Variants in HERC2 observed in about 807,000 individuals in gnomAD.
The protein encoded by HERC2 is HECT and RLD domain containing E3 ubiquitin protein ligase 2.
Under a neutral mutation model 537.7 loss-of-function variants are expected in HERC2, and 102 were observed. That is an observed-to-expected ratio of 0.19 (90% CI 0.16 to 0.22). The LOEUF (loss-of-function observed/expected upper bound fraction) is 0.22, where lower values mean the gene tolerates loss of function less well. HERC2 is among the 10% of genes least tolerant of loss of function. The probability of loss-of-function intolerance (pLI) is 1.00; values close to 1 mark genes in which losing one functional copy is unlikely to be tolerated. For missense variants in HERC2, 4,236 were observed against 6,198.2 expected (o/e 0.68, Z 10.63); for synonymous variants, 2,224 against 2,466.2 (o/e 0.90, Z 2.91).
intron 5 of HERC2, among the ~76,000 whole-genome samples, chr15:28,275,779 T>C (rs1207330375): frequency 6.6e-6 from 1 of 150,656 alleles, no homozygotes; most frequent in Non-Finnish European, 1.5e-5. Flanking sequence ...CAAGACTCCA[T>C]CTCAAAAAAA....
chr15:28,186,916 A>C (rs1288100816), intron 55 of HERC2, among the ~76,000 whole-genome samples, 164 bp from the exon 56 acceptor site: 1 of 152,200 alleles, frequency 6.6e-6, no homozygotes, highest in Non-Finnish European at 1.5e-5. Context: ...ATGCAGCCAC[A>C]TCTGAGTAAT....
rs551126207 is a variant in HERC2, at chr15:28,202,328, G to A, written c.7480+19C>T. 1.2e-6 allele frequency: 2 copies of A among 1,613,588 alleles called. No individual in the cohort carries two copies. Among genetic ancestry groups the A allele is most frequent in the African/African-American group, 1.3e-5 (1 of 75,010 alleles). Reference sequence around the variant, plus strand: ...GGGAACCCACACATACACAAGCAGAGGCCAGGAAAACGAAGTACCAGGCAA... The same window carrying A: ...GGGAACCCACACATACACAAGCAGAAGCCAGGAAAACGAAGTACCAGGCAA... On this transcript the variant is annotated intron_variant, in intron 46 of 92. Transcript: ENST00000261609.
At chr15:28,250,037 C>A (rs1404321060) in intron 20 of HERC2, among the ~76,000 whole-genome samples, 6 of 152,106 alleles carry the variant, frequency 3.9e-5, no homozygotes, top group Non-Finnish European at 8.8e-5. Flanking sequence ...CCAACCAGAG[C>A]CTGGTTCCAG....
intron 45 of HERC2, among the ~76,000 whole-genome samples, chr15:28,205,049 T>C (rs1250142323): frequency 4.6e-5 from 7 of 152,024 alleles, no homozygotes; most frequent in Non-Finnish European, 7.3e-5. Flanking sequence ...TGTGCCACCA[T>C]TGTATACATG....
At chr15:28,251,119 A>G (rs1390386837) in intron 20 of HERC2, among the ~76,000 whole-genome samples, 2 of 152,190 alleles carry the variant, frequency 1.3e-5, no homozygotes, top group Admixed American at 1.3e-4. Flanking sequence ...CAATGGAGCT[A>G]CAGGTGCAAT....
In HERC2 at chr15:28,111,597, T is replaced by G; in HGVS notation, c.*166A>C. 4 of 686,474 alleles carry G rather than the reference T, an allele frequency of 5.8e-6. No homozygotes were observed. Among genetic ancestry groups the G allele is most frequent in the Non-Finnish European group, 4.9e-6 (2 of 412,198 alleles). The allele number at this position is 686,474 out of a possible 1,614,324, so 42.5% of individuals were successfully genotyped here. A position where few individuals can be genotyped will look rare whatever the true frequency, so the allele number is the denominator to read the frequency against. On this transcript the variant is annotated 3_prime_UTR_variant, in exon 93 of 93. Coordinates refer to ENST00000261609, the MANE Select transcript of HERC2 (RefSeq NM_004667.6). ...GTTCCACGCGCACAGGCGGACCTTC[T>G]CACTGTCATTCCCATCACGGCCAGT...
At chr15:28,248,480 G>T in intron 21 of HERC2, 72 bp downstream of exon 21, 1 of 1,126,284 alleles carries the variant, frequency 8.9e-7, no homozygotes, top group Non-Finnish European at 1.3e-6. Flanking sequence ...CATATAGGAT[G>T]GACACGTCGA....
In HERC2 at chr15:28,228,290, C is replaced by G. The variant is rs200181265; in HGVS notation, c.5392G>C (p.Gly1798Arg). The G allele has an allele frequency of 1.9e-6, 3 of 1,613,078 alleles. No homozygotes were observed. The South Asian group carries it at 3.3e-5, about 18-fold the overall frequency. Residue 1798 changes from glycine to arginine, a missense_variant, in exon 35 of 93, where the codon GGC becomes CGC. Gly to Arg is a moderately radical substitution (Grantham distance 125). This residue lies in a region of HERC2 where 343 missense variants were observed against 417.2 expected (regional missense o/e 0.82). Coordinates refer to ENST00000261609, the MANE Select transcript of HERC2 (RefSeq NM_004667.6). Reference sequence around the variant, plus strand: ...AGCAGAAGGTCGAGGTTGTTTGCGCCGTGCTGCAGGGTGAGCATGCTGAGC... The same window carrying G: ...AGCAGAAGGTCGAGGTTGTTTGCGCGGTGCTGCAGGGTGAGCATGCTGAGC... ...VMLSMLTLQH[G>R]ANNLDLLLNS...
At chr15:28,220,704 T>C in intron 36 of HERC2, 60 bp from the exon 37 acceptor site, 2 of 1,403,322 alleles carry the variant, frequency 1.4e-6, no homozygotes, top group Non-Finnish European at 2.0e-6. Flanking sequence ...GGTCCTTCCA[T>C]GGCTCCCAGC....
In HERC2 at chr15:28,215,636, G is replaced by T. The variant is rs750743204; in HGVS notation, c.6195C>A (p.Thr2065=). The part of the protein sequence containing the change: ...VVEGHAPFTA[T]SLQRQILAVH... ...AGCACATTACCTGCCTCTGCAGCGA[G>T]GTGGCAGTGAAGGGTGCGTGCCCTT... is the stretch of plus-strand genomic sequence containing the variant. Residue 2065 remains threonine, a synonymous_variant, in exon 39 of 93, where the codon ACC becomes ACA. Transcript: ENST00000261609. 3.1e-6 allele frequency: 5 copies of T among 1,608,714 alleles called. No homozygotes were observed. In the African/African-American group the frequency reaches 6.7e-5, roughly 22 times the overall value.
At chr15:28,228,091 C>A in intron 35 of HERC2, 127 bp downstream of exon 35, 1 of 815,346 alleles carries the variant, frequency 1.2e-6, no homozygotes, top group Non-Finnish European at 1.9e-6. Flanking sequence ...AAATGGTACA[C>A]TTCCTATTTG....
intron 70 of HERC2, among the ~76,000 whole-genome samples, chr15:28,147,519 T>A (rs1891881042): frequency 6.6e-6 from 1 of 151,844 alleles, no homozygotes; most frequent in South Asian, 2.1e-4. Context: ...CGGCCTATAG[T>A]CCCAGTTACT....
At chr15:28,130,053 G>T (rs1163583996) in intron 83 of HERC2, 110 bp downstream of exon 83, 1 of 1,361,824 alleles carries the variant, frequency 7.3e-7, no homozygotes. Context: ...GGCAACAGGA[G>T]TGAGCCACCA....
intron 4 of HERC2, among the ~76,000 whole-genome samples, chr15:28,281,602 T>A (rs1254038353): frequency 6.6e-6 from 1 of 152,080 alleles, no homozygotes; most frequent in East Asian, 1.9e-4. Context: ...ATCTCACCAC[T>A]CCCTGGAAAG....
chr15:28,268,495 T>C lies in HERC2; in HGVS notation c.1568A>G (p.Asp523Gly), dbSNP rs751646257. The C allele has an allele frequency of 1.9e-6, 3 of 1,613,852 alleles. No homozygotes were observed. Among genetic ancestry groups the C allele is most frequent in the Non-Finnish European group, 1.7e-6 (2 of 1,179,932 alleles). ...TGEVYSWGCG[D>G]GGRLGHGDTV... ...GTCCCCATGGCCCAGCCGTCCGCCG[T>C]CCCCACAGCCCCAGGAGTACACCTC... The change falls in exon 12 of 93, where the codon GAC (aspartate) becomes GGC (glycine). Residue 523 changes from aspartate to glycine, a missense_variant. By Grantham distance (94) the Asp-to-Gly change is moderately conservative (BLOSUM62 -1). Around this residue, in one of 27 missense-constraint regions of HERC2, gnomAD observed 754 missense variants for 1,085.0 expected, o/e 0.69. Transcript: ENST00000261609. The surrounding 1 kb of genome is among the most constrained non-coding windows in gnomAD (Gnocchi z 4.7).
chr15:28,249,773 A>G (rs2140840395), intron 20 of HERC2, among the ~76,000 whole-genome samples: 1 of 150,604 alleles, frequency 6.6e-6, no homozygotes, highest in Admixed American at 6.6e-5. Context: ...CAGCCTCCCG[A>G]GTAGCTGGGA....
In HERC2 at chr15:28,294,425, T is replaced by C. The variant is rs543467750; in HGVS notation, c.188-1403A>G. On this transcript the variant is annotated intron_variant, in intron 3 of 92. Coordinates refer to ENST00000261609, the MANE Select transcript of HERC2 (RefSeq NM_004667.6). ...ACTAAGGACAAAACCTTTTGAAAAG[T>C]GCCACGGAAAGTAGATACAGAAGAA... is the stretch of plus-strand genomic sequence containing the variant. Among the ~76,000 whole-genome samples, 574 of 149,716 alleles carry C rather than the reference T, an allele frequency of 3.8e-3. 4 individuals are homozygous for C. The highest frequency in any genetic ancestry group is 0.013 in the African/African-American group (543 of 40,586).
chr15:28,301,373 C>T (rs1453399826), intron 2 of HERC2, among the ~76,000 whole-genome samples: 1 of 151,818 alleles, frequency 6.6e-6, no homozygotes, highest in African/African-American at 2.4e-5. Context: ...CAAGACTATG[C>T]CACTGCACTC....
At chr15:28,242,466 T>C (rs1903228143) in intron 23 of HERC2, among the ~76,000 whole-genome samples, 1 of 152,216 alleles carries the variant, frequency 6.6e-6, no homozygotes, top group Non-Finnish European at 1.5e-5. Context: ...CTCTGGTGGA[T>C]AGATGGAAAC....
Sources: gnomAD v4.1 joint callset for allele counts (sites outside exome capture counted in the v4.1 genomes callset) on GRCh38, gnomAD v4.1.1 for gene constraint, gnomAD v4.1.1 regional missense constraint, Gnocchi (gnomAD v3.1) non-coding constraint, MANE v1.5 for transcripts, NCBI Gene and HGNC (gene_info 2026-07-23, HGNC 2026-07-21) for gene names.